SFMBT2: variants seen among roughly 807,000 people sequenced by gnomAD.
The protein encoded by SFMBT2 is Scm like with four mbt domains 2.
SFMBT2 carries 38 observed loss-of-function variants against 110.1 expected under a neutral mutation model. That is an observed-to-expected ratio of 0.35 (90% CI 0.27 to 0.45). The LOEUF (loss-of-function observed/expected upper bound fraction) is 0.45, where lower values mean the gene tolerates loss of function less well. SFMBT2 is among the 20% of genes least tolerant of loss of function. The pLI is 1.00. For synonymous variants in SFMBT2, 425 were observed against 425.4 expected (o/e 1.00, Z 0.01); for missense variants, 1,011 against 1,094.9 (o/e 0.92, Z 1.08).
intron 9 of SFMBT2, chr10:7,228,470 G>C: frequency 2.0e-6 from 1 of 504,522 alleles, no homozygotes; most frequent in Non-Finnish European, 2.6e-6. Context: ...GGTTTGGAGA[G>C]AAAAGCTCCC....
chr10:7,200,916 C>T, intron 13 of SFMBT2: 1 of 772,990 alleles, frequency 1.3e-6, no homozygotes, highest in Non-Finnish European at 1.6e-6. Flanking sequence ...ACCTCCGGGC[C>T]CGCGGGAGTC....
rs1027121701 is a variant in SFMBT2 at position 7,160,024 on chromosome 10, G to C, written c.*3746C>G. On this transcript the variant is annotated 3_prime_UTR_variant, in exon 21 of 21. Transcript: ENST00000397167. The stretch of plus-strand genomic sequence containing the variant: ...TGTTCAAGGTGTGGATCATTTTAAT[G>C]TACTGAGGAACAAATCAAAGCAAAC... 1 of 152,100 alleles carries C rather than the reference G, an allele frequency of 6.6e-6. No individual in the cohort carries two copies. The highest frequency in any genetic ancestry group is 2.1e-4 in the South Asian group (1 of 4,820). 9.4% of individuals were successfully genotyped at this position (152,100 alleles called of 1,614,324 possible).
At chr10:7,302,488 G>C (rs1209169177) in intron 4 of SFMBT2, among the ~76,000 whole-genome samples, 1 of 152,180 alleles carries the variant, frequency 6.6e-6, no homozygotes, top group African/African-American at 2.4e-5. Context: ...ATCAACCCTT[G>C]ACCCTTGGCA....
chr10:7,374,339 G>T (rs1223186112), intron 2 of SFMBT2, among the ~76,000 whole-genome samples: 4 of 152,074 alleles, frequency 2.6e-5, no homozygotes. Flanking sequence ...CCAGCACCTG[G>T]GATGAGAGGC....
chr10:7,203,861 A>G (rs1839037567), intron 12 of SFMBT2: 1 of 154,960 alleles, frequency 6.5e-6, no homozygotes, highest in Non-Finnish European at 1.4e-5. Flanking sequence ...AATGACAGGC[A>G]TGCACCACCA....
At chr10:7,186,306 C>A (rs147004741) in intron 16 of SFMBT2, among the ~76,000 whole-genome samples, 1 of 151,870 alleles carries the variant, frequency 6.6e-6, no homozygotes, top group African/African-American at 2.4e-5. Flanking sequence ...ATCCTCTCTT[C>A]CTGAAAACAG....
Position 7,200,475 on chromosome 10 carries a change from G to A in SFMBT2, c.1497C>T (p.Pro499=), listed in dbSNP as rs2131600915. The change falls in exon 14 of 21, where the codon CCC becomes CCT. Residue 499 remains proline (P), a synonymous_variant. Transcript: ENST00000397167. The stretch of plus-strand genomic sequence containing the variant: ...GAGGTATTTTCTTAACAGGCACTGT[G>A]GGCGGCAATCTGTCAACAGAGAAAA... ...AVVQPEKQLP[P]TVPVKKIPHD... is the part of the protein sequence containing the mutation. 6.2e-7 allele frequency: 1 copy of A among 1,600,452 alleles called. No individual in the cohort carries two copies. The highest frequency in any genetic ancestry group is 1.3e-5 in the African/African-American group (1 of 74,474).
intron 3 of SFMBT2, among the ~76,000 whole-genome samples, chr10:7,368,746 C>T (rs1417978767): frequency 1.3e-5 from 2 of 152,254 alleles, no homozygotes; most frequent in Non-Finnish European, 2.9e-5. Context: ...CTGCCTAAGG[C>T]AACTGCCAAA....
intron 4 of SFMBT2, among the ~76,000 whole-genome samples, chr10:7,323,191 C>T (rs1432381604): frequency 1.3e-5 from 2 of 152,102 alleles, no homozygotes. Context: ...CGGTGGTTCA[C>T]GCCTATAATC....
intron 10 of SFMBT2, among the ~76,000 whole-genome samples, chr10:7,221,349 T>C (rs1839730635): frequency 6.6e-6 from 1 of 151,894 alleles, no homozygotes; most frequent in African/African-American, 2.4e-5. Flanking sequence ...GGTGGATCAC[T>C]TGAGGTCAGG....
intron 11 of SFMBT2, among the ~76,000 whole-genome samples, chr10:7,210,397 T>A (rs1253103463): frequency 6.6e-6 from 1 of 152,148 alleles, no homozygotes; most frequent in East Asian, 1.9e-4. Flanking sequence ...GGGTGAGAGA[T>A]GCCACTGGGC....
At chr10:7,307,950 C>A (rs987184083) in intron 4 of SFMBT2, among the ~76,000 whole-genome samples, 2 of 152,176 alleles carry the variant, frequency 1.3e-5, no homozygotes, top group African/African-American at 4.8e-5. Flanking sequence ...TCCCATTTTG[C>A]AAATATGAGT....
intron 4 of SFMBT2, among the ~76,000 whole-genome samples, chr10:7,328,017 T>A (rs1289829744): frequency 6.6e-6 from 1 of 152,240 alleles, no homozygotes; most frequent in African/African-American, 2.4e-5. Context: ...GGTGGGTGTA[T>A]GTTTAAAGTT....
intron 4 of SFMBT2, among the ~76,000 whole-genome samples, chr10:7,364,516 C>T (rs542240884): frequency 6.6e-6 from 1 of 152,336 alleles, no homozygotes; most frequent in Non-Finnish European, 1.5e-5. Flanking sequence ...CAACAGCATA[C>T]ATTTTTACCA....
chr10:7,388,654 A>G (rs72775568), intron 1 of SFMBT2, among the ~76,000 whole-genome samples: 3,875 of 151,200 alleles, frequency 0.026, 88 homozygotes, highest in Non-Finnish European at 0.038. Context: ...AGGATTATAG[A>G]CATGAGCCAC....
At chr10:7,284,796 C>G in intron 5 of SFMBT2, 1 of 166,886 alleles carries the variant, frequency 6.0e-6, no homozygotes, top group Non-Finnish European at 1.2e-5. Flanking sequence ...TTCTAAGAAA[C>G]CTTCTTAGCC....
rs1365836721 is a variant in SFMBT2 at position 7,202,666 on chromosome 10, T to C, written c.1445-144A>G. On this transcript the variant is annotated intron_variant, in intron 12 of 20. Transcript: ENST00000397167. ...AAAGTTACGTCATTCATGCCACAATTTCCTATCAGTTTCTTCTAGCATAGG... is the reference window on the plus strand; with the variant it reads ...AAAGTTACGTCATTCATGCCACAATCTCCTATCAGTTTCTTCTAGCATAGG... The C allele has an allele frequency of 3.9e-6, 6 of 1,522,874 alleles. No homozygotes were observed. The African/African-American group carries it at 8.3e-5, about 21-fold the overall frequency. The allele number at this position is 1,522,874 out of a possible 1,614,324, so 94.3% of individuals were successfully genotyped here. A position where few individuals can be genotyped will look rare whatever the true frequency, so the allele number is the denominator to read the frequency against.
intron 9 of SFMBT2, among the ~76,000 whole-genome samples, chr10:7,236,472 T>A (rs1173791544): frequency 6.6e-6 from 1 of 152,038 alleles, no homozygotes; most frequent in Non-Finnish European, 1.5e-5. Context: ...AAGAACAGGG[T>A]TAAGAGTCAC....
At chr10:7,217,872 C>T (rs1409677189) in intron 11 of SFMBT2, among the ~76,000 whole-genome samples, 5 of 152,188 alleles carry the variant, frequency 3.3e-5, no homozygotes, top group African/African-American at 1.2e-4. Flanking sequence ...CATCAGTCAC[C>T]CTTGCTAACT....
Sources: gnomAD v4.1 joint callset for allele counts (sites outside exome capture counted in the v4.1 genomes callset) on GRCh38, gnomAD v4.1.1 for gene constraint, MANE v1.5 for transcripts, NCBI Gene and HGNC (gene_info 2026-07-23, HGNC 2026-07-21) for gene names.